Variants in CNTNAP2 observed in about 807,000 individuals in gnomAD.
CNTNAP2 encodes the protein contactin-associated protein-like 2.
In CNTNAP2, 98 loss-of-function variants were observed where a neutral mutation model predicts 155.2. That is an observed-to-expected ratio of 0.63 (90% CI 0.54 to 0.75). The LOEUF is 0.75. CNTNAP2 is among the 30% of genes least tolerant of loss of function. The probability of loss-of-function intolerance (pLI) is 0.00; values close to 1 mark genes in which losing one functional copy is unlikely to be tolerated. For synonymous variants in CNTNAP2, 651 were observed against 631.2 expected, an observed-to-expected ratio of 1.03 and a Z score of -0.47; for missense variants, 1,727 against 1,688.1, an observed-to-expected ratio of 1.02 and a Z score of -0.40.
chr7:146,388,332 G>A (rs539678349), intron 1 of CNTNAP2, among the ~76,000 whole-genome samples: 2 of 152,146 alleles, frequency 1.3e-5, no homozygotes, highest in Non-Finnish European at 2.9e-5. Context: ...CTACAAGGGA[G>A]TATGAGGTGG....
chr7:148,283,274 A>AGAAAGAAAGAAAGAAG (rs1797012197), intron 21 of CNTNAP2, among the ~76,000 whole-genome samples: 2 of 108,832 alleles, frequency 1.8e-5, no homozygotes, highest in Non-Finnish European at 3.8e-5. Context: ...AAAGAAAGAA[A>AGAAAGAAAGAAAGAAG]GAAAGAAAGA....
chr7:148,221,000 A>T (rs1661777024), intron 19 of CNTNAP2, among the ~76,000 whole-genome samples: 1 of 152,094 alleles, frequency 6.6e-6, no homozygotes, highest in South Asian at 2.1e-4. Flanking sequence ...ATTCCCACAC[A>T]TACTTTTATT....
At chr7:146,699,350 A>G (rs186551908) in intron 1 of CNTNAP2, among the ~76,000 whole-genome samples, 18 of 152,236 alleles carry the variant, frequency 1.2e-4, no homozygotes, top group Non-Finnish European at 2.2e-4. Flanking sequence ...AACTTATCTT[A>G]AATAAGATCT....
rs139277133 is a variant in CNTNAP2, at chr7:147,735,310, G to A, written c.2098+96004G>A. On this transcript the variant is annotated intron_variant, in intron 13 of 23. Transcript: ENST00000361727. ...TAGTCATTCAGGAGCAGGTCGTTCA[G>A]TTTCCATGTAGTTGAGTGGTTTTGA... 9.9e-3 allele frequency among the ~76,000 whole-genome samples: 1,500 copies of A among 152,266 alleles called. 25 individuals carry two copies. Among genetic ancestry groups the A allele is most frequent in the African/African-American group, 0.034 (1,422 of 41,538 alleles).
At position 148,197,548 on chromosome 7, in the gene CNTNAP2, A is replaced by C. The variant is rs549142580; in HGVS notation, c.3011-19740A>C. 1.8e-4 allele frequency among the ~76,000 whole-genome samples: 28 copies of C among 152,348 alleles called. No individual in the cohort carries two copies. The South Asian group carries it at 5.4e-3, about 29-fold the overall frequency. On this transcript the variant is annotated intron_variant, in intron 18 of 23. Transcript: ENST00000361727. ...ATTTTCAGAGCAATACAACAGAGTC[A>C]ATGTATGAAATAAGGCATTGGAGTT... is the stretch of plus-strand genomic sequence containing the variant.
intron 10 of CNTNAP2, among the ~76,000 whole-genome samples, chr7:147,453,970 C>T (rs866830659): frequency 4.4e-4 from 67 of 151,680 alleles, no homozygotes; most frequent in African/African-American, 1.5e-3. Flanking sequence ...GCCATGTTCT[C>T]TTATTTGTTA....
chr7:146,738,704 G>A (rs1301922787), intron 1 of CNTNAP2, among the ~76,000 whole-genome samples: 1 of 151,668 alleles, frequency 6.6e-6, no homozygotes, highest in African/African-American at 2.4e-5. Context: ...GGTGTGAGAT[G>A]GGGATGTAAT....
At chr7:146,829,292 ATTTT>A (rs1803465249) in intron 2 of CNTNAP2, among the ~76,000 whole-genome samples, 1 of 152,000 alleles carries the variant, frequency 6.6e-6, no homozygotes, top group African/African-American at 2.4e-5. Context: ...AAGGTTAATG[ATTTT>A]CATAATGCCA....
At chr7:147,207,440 A>G (rs1223545451) in intron 8 of CNTNAP2, among the ~76,000 whole-genome samples, 1 of 152,124 alleles carries the variant, frequency 6.6e-6, no homozygotes, top group Non-Finnish European at 1.5e-5. Context: ...TATTAATTGG[A>G]TGAAAATGTA....
intron 8 of CNTNAP2, among the ~76,000 whole-genome samples, chr7:147,263,595 A>G (rs1484909770): frequency 2.6e-5 from 4 of 152,186 alleles, no homozygotes; most frequent in African/African-American, 7.2e-5. Flanking sequence ...AGATAATTTG[A>G]CTTATACATA....
At chr7:147,922,259 A>T (rs1040290333) in intron 14 of CNTNAP2, among the ~76,000 whole-genome samples, 1 of 152,256 alleles carries the variant, frequency 6.6e-6, no homozygotes, top group Non-Finnish European at 1.5e-5. Flanking sequence ...TGTTAAGAGC[A>T]GCCCTCACAT....
intron 12 of CNTNAP2, among the ~76,000 whole-genome samples, chr7:147,578,459 T>G (rs1800439171): frequency 6.6e-6 from 1 of 152,092 alleles, no homozygotes; most frequent in African/African-American, 2.4e-5. Context: ...AGACATGACC[T>G]TATTCACATT....
At chr7:147,200,593 G>A (rs1802902244) in intron 8 of CNTNAP2, among the ~76,000 whole-genome samples, 1 of 152,120 alleles carries the variant, frequency 6.6e-6, no homozygotes, top group South Asian at 2.1e-4. Context: ...ATTCTGCACA[G>A]GCAGACGCCA....
intron 13 of CNTNAP2, among the ~76,000 whole-genome samples, chr7:147,743,183 G>A (rs931515802): frequency 6.6e-6 from 1 of 152,166 alleles, no homozygotes; most frequent in East Asian, 1.9e-4. Context: ...CCAGCCCCTA[G>A]TAGCTCCTCC....
intron 3 of CNTNAP2, among the ~76,000 whole-genome samples, chr7:146,856,752 T>A (rs1392408540): frequency 6.6e-6 from 1 of 152,106 alleles, no homozygotes; most frequent in Non-Finnish European, 1.5e-5. Context: ...ATGAAGAATG[T>A]AAGTGGATGT....
At chr7:146,455,769 A>G (rs1163383412) in intron 1 of CNTNAP2, among the ~76,000 whole-genome samples, 2 of 152,214 alleles carry the variant, frequency 1.3e-5, no homozygotes, top group Non-Finnish European at 2.9e-5. Context: ...GCATATTTTA[A>G]TAGCTTTTAA....
In CNTNAP2 at chr7:148,365,142, A is replaced by G. The variant is rs192038571; in HGVS notation, c.3476-18507A>G. 5.3e-3 allele frequency among the ~76,000 whole-genome samples: 808 copies of G among 152,248 alleles called. 6 individuals are homozygous for G. Among genetic ancestry groups the G allele is most frequent in the African/African-American group, 0.018 (740 of 41,544 alleles). ...TTCACCTGGCTCAGAGCTCAAATGT[A>G]ATCTCCTCAGAGTGGCCTTCCCTGC... On this transcript the variant is annotated intron_variant, in intron 21 of 23. Coordinates refer to ENST00000361727, the MANE Select transcript of CNTNAP2 (RefSeq NM_014141.6).
chr7:146,288,361 T>C (rs1043041563), intron 1 of CNTNAP2, among the ~76,000 whole-genome samples: 3 of 151,906 alleles, frequency 2.0e-5, no homozygotes, highest in African/African-American at 7.3e-5. Context: ...ACAAGAAGGC[T>C]TGGAAGTTAT....
chr7:147,686,196 C>G (rs888370199), intron 13 of CNTNAP2, among the ~76,000 whole-genome samples: 3 of 151,964 alleles, frequency 2.0e-5, no homozygotes, highest in Non-Finnish European at 2.9e-5. Flanking sequence ...GAGAATCAGA[C>G]AGATTCTGGA....
Sources: allele counts gnomAD v4.1 joint callset (sites outside exome capture counted in the v4.1 genomes callset), GRCh38; gene constraint gnomAD v4.1.1; transcripts MANE v1.5; gene names NCBI Gene and HGNC (gene_info 2026-07-23, HGNC 2026-07-21).